Variants in SYT16 observed in about 807,000 individuals in gnomAD.
SYT16 encodes the protein synaptotagmin-16.
A neutral mutation model predicts 61.4 loss-of-function variants in SYT16; 42 were observed. The ratio of observed to expected loss-of-function variants is 0.68; its 90% CI spans 0.53 to 0.89. SYT16 has a LOEUF of 0.89. SYT16 is among the 40% of genes least tolerant of loss of function. The pLI, the probability that SYT16 is intolerant of heterozygous loss-of-function variation, is 0.00. For missense variants in SYT16, 804 were observed against 807.3 expected (o/e 1.00, Z 0.05); for synonymous variants, 314 against 302.3 (o/e 1.04, Z -0.40).
At chr14:61,887,938 C>G (rs138488555) in intron 1 of SYT16, among the ~76,000 whole-genome samples, 140 of 152,264 alleles carry the variant, frequency 9.2e-4, no homozygotes, top group African/African-American at 2.0e-3. Context: ...CCTTTGCATT[C>G]ACAACTTGGC....
chr14:62,071,381 C>T (rs145015719), intron 4 of SYT16, among the ~76,000 whole-genome samples: 13 of 152,308 alleles, frequency 8.5e-5, no homozygotes, highest in Admixed American at 1.3e-4. Context: ...GTTCTGACAA[C>T]CATTCTAACC....
chr14:62,007,775 T>G (rs2053281663), intron 3 of SYT16, among the ~76,000 whole-genome samples: 1 of 152,192 alleles, frequency 6.6e-6, no homozygotes, highest in African/African-American at 2.4e-5. Flanking sequence ...AAGTCCTTTT[T>G]TTTTCTATTC....
chr14:62,031,090 C>T (rs528426844), intron 3 of SYT16, among the ~76,000 whole-genome samples: 20 of 152,186 alleles, frequency 1.3e-4, no homozygotes, highest in Non-Finnish European at 8.8e-5. Flanking sequence ...CTTTCTTGAA[C>T]TGTTAAAACC....
At chr14:61,943,745 A>G (rs1015914662) in intron 1 of SYT16, among the ~76,000 whole-genome samples, 7 of 152,156 alleles carry the variant, frequency 4.6e-5, no homozygotes, top group African/African-American at 1.7e-4. Context: ...AAATAATAAG[A>G]GCTATTTACG....
intron 3 of SYT16, among the ~76,000 whole-genome samples, chr14:62,011,938 T>C (rs1178018444): frequency 7.1e-6 from 1 of 141,376 alleles, no homozygotes; most frequent in African/African-American, 3.0e-5. Context: ...TATATATATA[T>C]ATATTTGATG....
rs778082100 is a variant in SYT16, at chr14:61,979,525, A to G, written c.-145+9214A>G. On this transcript the variant is annotated intron_variant, in intron 2 of 7. Coordinates refer to ENST00000683842, the MANE Select transcript of SYT16 (RefSeq NM_001367656.1). ...GCCTACTCAGATGAATCTTAAGTGAATCAAATATCTTGGAATAAAAAAAGA... is the reference window on the plus strand; with the variant it reads ...GCCTACTCAGATGAATCTTAAGTGAGTCAAATATCTTGGAATAAAAAAAGA... 5.9e-5 allele frequency among the ~76,000 whole-genome samples: 9 copies of G among 152,230 alleles called. No individual in the cohort carries two copies. In the East Asian group the frequency reaches 7.8e-4, roughly 13 times the overall value.
At chr14:62,078,661 T>C (rs1161531878) in intron 5 of SYT16, among the ~76,000 whole-genome samples, 1 of 152,180 alleles carries the variant, frequency 6.6e-6, no homozygotes, top group African/African-American at 2.4e-5. Flanking sequence ...TCAGTATGGC[T>C]AATTGCCTGA....
At chr14:62,091,624 A>G (rs1348104183) in intron 7 of SYT16, among the ~76,000 whole-genome samples, 2 of 152,212 alleles carry the variant, frequency 1.3e-5, no homozygotes, top group Admixed American at 6.5e-5. Flanking sequence ...TATTCAACCA[A>G]TGGTGCTAGA....
At chr14:62,077,707 T>A (rs2056545686) in intron 5 of SYT16, 1 of 152,226 alleles carries the variant, frequency 6.6e-6, no homozygotes, top group African/African-American at 2.4e-5. Context: ...AATTAATTGC[T>A]ATGAAAATAC....
chr14:61,814,259 A>T (rs1167951507), intron 1 of SYT16, among the ~76,000 whole-genome samples: 1 of 152,320 alleles, frequency 6.6e-6, no homozygotes, highest in South Asian at 2.1e-4. Context: ...ATTTATACAA[A>T]GTGTGATTCC....
rs1363276099 is a variant in SYT16 at position 62,103,703 on chromosome 14, C to CA, written c.*2997dup. 2 of 152,182 alleles carry CA rather than the reference C, an allele frequency of 1.3e-5. No individual in the cohort carries two copies. The highest frequency in any genetic ancestry group is 4.8e-5 in the African/African-American group (2 of 41,442). The allele number at this position is 152,182 out of a possible 1,614,324, so 9.4% of individuals were successfully genotyped here. A position where few individuals can be genotyped will look rare whatever the true frequency, so the allele number is the denominator to read the frequency against. On this transcript the variant is annotated 3_prime_UTR_variant, in exon 8 of 8. Transcript: ENST00000683842. ...TTGGACTCTGTTTTTGCTGATGCTG[C>CA]ATAACTGTTGGAGGTGGGGGTGTCT...
intron 1 of SYT16, among the ~76,000 whole-genome samples, chr14:61,945,052 A>G (rs562528330): frequency 6.6e-6 from 1 of 152,170 alleles, no homozygotes; most frequent in Non-Finnish European, 1.5e-5. Context: ...AAAAAAAACA[A>G]CCCCATCAAA....
At chr14:61,935,067 T>TA (rs1566693865) in intron 1 of SYT16, among the ~76,000 whole-genome samples, 1 of 152,196 alleles carries the variant, frequency 6.6e-6, no homozygotes, top group East Asian at 1.9e-4. Flanking sequence ...GCAAGCAAAT[T>TA]AATATATCCA....
intron 2 of SYT16, among the ~76,000 whole-genome samples, chr14:61,993,593 C>T (rs777838605): frequency 2.0e-5 from 3 of 151,836 alleles, no homozygotes; most frequent in Non-Finnish European, 2.9e-5. Flanking sequence ...TCAGAGAGAA[C>T]CTTGTAAATC....
At chr14:62,028,333 T>C (rs1220272747) in intron 3 of SYT16, among the ~76,000 whole-genome samples, 1 of 152,216 alleles carries the variant, frequency 6.6e-6, no homozygotes, top group Non-Finnish European at 1.5e-5. Context: ...GTACGAGTTC[T>C]AAATGCTTTA....
At chr14:61,939,126 C>G (rs969994974) in intron 1 of SYT16, among the ~76,000 whole-genome samples, 1 of 152,142 alleles carries the variant, frequency 6.6e-6, no homozygotes, top group Non-Finnish European at 1.5e-5. Context: ...CAGAGTGAGA[C>G]TTGGTCTCAA....
intron 1 of SYT16, among the ~76,000 whole-genome samples, chr14:61,954,309 T>C (rs1346177761): frequency 1.9e-5 from 1 of 51,794 alleles, no homozygotes; most frequent in African/African-American, 9.4e-5. Flanking sequence ...TTGGTTAGCC[T>C]TTTTTTTTTT....
chr14:61,932,530 C>T (rs751933228), intron 1 of SYT16, among the ~76,000 whole-genome samples: 1 of 152,020 alleles, frequency 6.6e-6, no homozygotes, highest in African/African-American at 2.4e-5. Context: ...CATCAGATCT[C>T]GTGAGAATTC....
intron 1 of SYT16, among the ~76,000 whole-genome samples, chr14:61,883,572 C>G (rs112318100): frequency 0.23 from 34,698 of 152,100 alleles, 4,463 homozygotes; most frequent in Non-Finnish European, 0.28. Context: ...CAACAAGTCT[C>G]TAGGAAGTTC....
Sources: allele counts gnomAD v4.1 joint callset (sites outside exome capture counted in the v4.1 genomes callset), GRCh38; gene constraint gnomAD v4.1.1; transcripts MANE v1.5; gene names NCBI Gene and HGNC (gene_info 2026-07-23, HGNC 2026-07-21).